The following RAB8B variants were observed in gnomAD, a reference collection of about 807,000 sequenced individuals.
RAB8B encodes ras-related protein Rab-8B.
In RAB8B, 11 loss-of-function variants were observed where a neutral mutation model predicts 32.0. The observed-to-expected ratio is 0.34, with a 90% CI of 0.22 to 0.57. The LOEUF (loss-of-function observed/expected upper bound fraction) is 0.57, where lower values mean the gene tolerates loss of function less well. Ranked by LOEUF, RAB8B falls within the 20% of genes least tolerant of loss-of-function variation. The pLI, the probability that RAB8B is intolerant of heterozygous loss-of-function variation, is 0.86. For missense variants in RAB8B, 190 were observed against 258.5 expected, an observed-to-expected ratio of 0.73 and a Z score of 1.82; for synonymous variants, 103 against 89.6, an observed-to-expected ratio of 1.15 and a Z score of -0.85.
At chr15:63,262,538 G>A (rs1001208909) in intron 6 of RAB8B, among the ~76,000 whole-genome samples, 154 bp from the exon 7 acceptor site, 1 of 151,448 alleles carries the variant, frequency 6.6e-6, no homozygotes, top group Non-Finnish European at 1.5e-5. Flanking sequence ...GACTGAGGTG[G>A]GAGGATTGCC....
At position 63,264,011 on chromosome 15, in the gene RAB8B, T is replaced by C. The variant is rs2038222882; in HGVS notation, c.*392T>C. On this transcript the variant is annotated 3_prime_UTR_variant, in exon 8 of 8. Transcript: ENST00000321437. Reference sequence around the variant, plus strand: ...CTAGACAAATTTGTACATGTGGCAATGTTAAAAGAGCATTTACAGCAGAGG... The same window carrying C: ...CTAGACAAATTTGTACATGTGGCAACGTTAAAAGAGCATTTACAGCAGAGG... The C allele has an allele frequency of 6.1e-6, 1 of 163,332 alleles. No individual in the cohort carries two copies. Among genetic ancestry groups the C allele is most frequent in the Non-Finnish European group, 1.4e-5 (1 of 73,938 alleles). 10.1% of individuals were successfully genotyped at this position (163,332 alleles called of 1,614,324 possible).
chr15:63,263,692 GC>G lies in RAB8B; in HGVS notation c.*75del, dbSNP rs2038220377. ...CTTCTCTGAAAGCACAGGTCACCCA[GC>G]CTCAGAATCACACCTCCCGGCTGCT... On this transcript the variant is annotated 3_prime_UTR_variant, in exon 8 of 8. Coordinates refer to ENST00000321437, the MANE Select transcript of RAB8B (RefSeq NM_016530.3). The G allele has an allele frequency of 1.6e-6, 2 of 1,258,436 alleles. No homozygotes were observed. Among genetic ancestry groups the G allele is most frequent in the Non-Finnish European group, 2.3e-6 (2 of 866,912 alleles). 78.0% of individuals were successfully genotyped at this position (1,258,436 alleles called of 1,614,324 possible). A position where few individuals can be genotyped will look rare whatever the true frequency, so the allele number is the denominator to read the frequency against.
At chr15:63,249,278 T>TA (rs1192114476) in intron 2 of RAB8B, among the ~76,000 whole-genome samples, 1 of 152,146 alleles carries the variant, frequency 6.6e-6, no homozygotes, top group Non-Finnish European at 1.5e-5. Flanking sequence ...ATTAAGCACT[T>TA]ACAAAAAGGA....
intron 1 of RAB8B, among the ~76,000 whole-genome samples, chr15:63,226,948 G>A (rs1309771040): frequency 6.6e-6 from 1 of 152,098 alleles, no homozygotes; most frequent in East Asian, 1.9e-4. Context: ...AGGCCATATA[G>A]GGTAACTTCT....
intron 1 of RAB8B, among the ~76,000 whole-genome samples, chr15:63,229,780 C>CAA (rs56015501): frequency 0.16 from 5,863 of 35,896 alleles, 2,158 homozygotes; most frequent in East Asian, 0.24. Context: ...GACGCTGTTT[C>CAA]AAAAAAAAAA....
intron 1 of RAB8B, among the ~76,000 whole-genome samples, chr15:63,228,278 A>G (rs1164276721): frequency 1.3e-5 from 2 of 152,196 alleles, no homozygotes; most frequent in African/African-American, 4.8e-5. Flanking sequence ...GGTCTCCCAA[A>G]GTGCTGGGAT....
chr15:63,244,947 ATAAG>A, intron 2 of RAB8B, 131 bp downstream of exon 2: 1 of 753,990 alleles, frequency 1.3e-6, no homozygotes, highest in Non-Finnish European at 2.1e-6. Flanking sequence ...CCAAGGGGAA[ATAAG>A]TAAGCACTGG....
At chr15:63,213,340 G>A (rs562283043) in intron 1 of RAB8B, among the ~76,000 whole-genome samples, 1 of 152,286 alleles carries the variant, frequency 6.6e-6, no homozygotes, top group African/African-American at 2.4e-5. Flanking sequence ...GGCTAGGGGT[G>A]CTGTTATAAT....
At chr15:63,238,200 G>A (rs932070602) in intron 1 of RAB8B, among the ~76,000 whole-genome samples, 6 of 150,804 alleles carry the variant, frequency 4.0e-5, no homozygotes, top group Admixed American at 4.0e-4. Context: ...CAAAAACTAT[G>A]TTTTTTGAGA....
At chr15:63,249,557 A>G in intron 2 of RAB8B, 88 bp from the exon 3 acceptor site, 2 of 1,257,620 alleles carry the variant, frequency 1.6e-6, no homozygotes, top group Non-Finnish European at 2.3e-6. Context: ...CCCTGAGCAG[A>G]CTAGAATTAC....
At chr15:63,251,870 A>T (rs1258695971) in intron 3 of RAB8B, among the ~76,000 whole-genome samples, 3 of 151,930 alleles carry the variant, frequency 2.0e-5, no homozygotes, top group African/African-American at 7.3e-5. Context: ...CGGGCCCACC[A>T]TTTTCAGCAA....
chr15:63,214,638 C>T (rs1282762354), intron 1 of RAB8B, among the ~76,000 whole-genome samples: 2 of 152,128 alleles, frequency 1.3e-5, no homozygotes, highest in Non-Finnish European at 2.9e-5. Flanking sequence ...CATGCCCAAC[C>T]GTTTCTAACA....
intron 1 of RAB8B, among the ~76,000 whole-genome samples, chr15:63,219,018 T>TTTC (rs1213501248): frequency 1.4e-5 from 2 of 144,304 alleles, no homozygotes; most frequent in East Asian, 4.0e-4. Flanking sequence ...TTTTTTTTTT[T>TTTC]TTTTTTTTTT....
chr15:63,257,028 C>T lies in RAB8B; in HGVS notation c.414+434C>T, dbSNP rs182898361. Among the ~76,000 whole-genome samples, 418 of 152,240 alleles carry T rather than the reference C, an allele frequency of 2.7e-3. 2 individuals are homozygous for T. Among genetic ancestry groups the T allele is most frequent in the African/African-American group, 9.5e-3 (395 of 41,536 alleles). Reference sequence around the variant, plus strand: ...CTAAGAATATTTTACTACACATTAGCGTTAGGTTTTATGGATAAATTCCTT... The same window carrying T: ...CTAAGAATATTTTACTACACATTAGTGTTAGGTTTTATGGATAAATTCCTT... On this transcript the variant is annotated intron_variant, in intron 5 of 7. Transcript: ENST00000321437.
intron 1 of RAB8B, among the ~76,000 whole-genome samples, chr15:63,227,176 A>T (rs960113652): frequency 3.9e-5 from 6 of 152,216 alleles, no homozygotes; most frequent in African/African-American, 1.4e-4. Flanking sequence ...CTGGGAATGC[A>T]GCCCAGTGGG....
chr15:63,249,550 T>C (rs1205147384), intron 2 of RAB8B, 95 bp from the exon 3 acceptor site: 8 of 1,181,840 alleles, frequency 6.8e-6, no homozygotes, highest in Admixed American at 2.0e-5. Context: ...CACTGCACCC[T>C]GAGCAGACTA....
intron 1 of RAB8B, among the ~76,000 whole-genome samples, chr15:63,224,641 A>G (rs1173444800): frequency 1.2e-4 from 19 of 152,212 alleles, no homozygotes; most frequent in Admixed American, 1.2e-3. Context: ...TAAGGATTTC[A>G]TAATAAAATG....
chr15:63,221,660 A>G (rs768534033), intron 1 of RAB8B, among the ~76,000 whole-genome samples: 3 of 152,152 alleles, frequency 2.0e-5, no homozygotes, highest in Non-Finnish European at 2.9e-5. Context: ...TGGGGATCCC[A>G]CCACATAGCT....
chr15:63,203,079 G>A (rs1343089275), intron 1 of RAB8B, among the ~76,000 whole-genome samples: 1 of 152,200 alleles, frequency 6.6e-6, no homozygotes, highest in African/African-American at 2.4e-5. Context: ...ACATCGGAGA[G>A]GAAAAATTGG....
Sources: gnomAD v4.1 joint callset for allele counts (sites outside exome capture counted in the v4.1 genomes callset) on GRCh38, gnomAD v4.1.1 for gene constraint, MANE v1.5 for transcripts, NCBI Gene and HGNC (gene_info 2026-07-23, HGNC 2026-07-21) for gene names.